Variants in LGMN observed in about 807,000 individuals in gnomAD.
The protein encoded by LGMN is legumain.
LGMN carries 36 observed loss-of-function variants against 56.8 expected under a neutral mutation model. That is an observed-to-expected ratio of 0.63 (90% confidence interval 0.49 to 0.84). The LOEUF (loss-of-function observed/expected upper bound fraction) is 0.84. Among genes scored for constraint, LGMN ranks in the 40% least tolerant of loss-of-function variants. LGMN has a pLI of 0.00. For synonymous variants in LGMN, 199 were observed against 210.1 expected (o/e 0.95, Z 0.46); for missense variants, 446 against 556.1 (o/e 0.80, Z 1.99).
chr14:92,719,242 ACCGCCACCACCACCACCGCCACCG>A lies in LGMN; in HGVS notation c.139-422_139-399del, dbSNP rs1566924062. Among the ~76,000 whole-genome samples, 16 of 22,812 alleles carry A rather than the reference ACCGCCACCACCACCACCGCCACCG, an allele frequency of 7.0e-4. 1 individual carries two copies. The highest frequency in any genetic ancestry group is 5.4e-3 in the South Asian group (3 of 556). 15.0% of individuals were successfully genotyped at this position (22,812 alleles called of 152,430 possible). ...CAACACCACCACCGCCACCGCCACC[ACCGCCACCACCACCACCGCCACCG>A]CCGCCGCCGCCACCGCCGCCGCCGC... On this transcript the variant is annotated intron_variant, in intron 2 of 13. Transcript: ENST00000334869.
At chr14:92,725,516 C>T (rs1357032859) in intron 2 of LGMN, among the ~76,000 whole-genome samples, 3 of 152,152 alleles carry the variant, frequency 2.0e-5, no homozygotes, top group African/African-American at 4.8e-5. Context: ...CGAGCTCCAG[C>T]CTAAGTGACA....
chr14:92,722,735 G>T (rs776899625), intron 2 of LGMN, among the ~76,000 whole-genome samples: 1 of 152,156 alleles, frequency 6.6e-6, no homozygotes, highest in Non-Finnish European at 1.5e-5. Flanking sequence ...GGCTTGTACT[G>T]AAACATCTAA....
At chr14:92,707,280 A>G (rs1302732515) in intron 11 of LGMN, among the ~76,000 whole-genome samples, 1 of 151,676 alleles carries the variant, frequency 6.6e-6, no homozygotes, top group East Asian at 1.9e-4. Context: ...CTCTACAAGC[A>G]AGCTCTGTCC....
At chr14:92,707,597 C>G (rs1215261824) in intron 11 of LGMN, among the ~76,000 whole-genome samples, 1 of 152,222 alleles carries the variant, frequency 6.6e-6, no homozygotes, top group Non-Finnish European at 1.5e-5. Context: ...CAATGCCACT[C>G]TTCTCACCCA....
At chr14:92,724,159 A>G (rs1382826110) in intron 2 of LGMN, among the ~76,000 whole-genome samples, 1 of 152,268 alleles carries the variant, frequency 6.6e-6, no homozygotes, top group Non-Finnish European at 1.5e-5. Flanking sequence ...TTAAGATGAT[A>G]TGTCTTAAAC....
rs1889298334 is a variant in LGMN at position 92,704,193 on chromosome 14, C to T, written c.*126G>A. 2 of 1,179,732 alleles carry T rather than the reference C, an allele frequency of 1.7e-6. No homozygotes were observed. Among genetic ancestry groups the T allele is most frequent in the East Asian group, 2.3e-5 (1 of 42,796 alleles). 73.1% of individuals were successfully genotyped at this position (1,179,732 alleles called of 1,614,324 possible). On this transcript the variant is annotated 3_prime_UTR_variant, in exon 14 of 14. Transcript: ENST00000334869. ...CTTGTGAAGAAGGTCCTGGAGCGAGCCCTGGAGCGGGGGCTCCCCAGGAGG... is the reference window on the plus strand; with the variant it reads ...CTTGTGAAGAAGGTCCTGGAGCGAGTCCTGGAGCGGGGGCTCCCCAGGAGG...
intron 1 of LGMN, among the ~76,000 whole-genome samples, chr14:92,746,475 G>A (rs1179823797): frequency 6.6e-6 from 1 of 152,176 alleles, no homozygotes; most frequent in Non-Finnish European, 1.5e-5. Flanking sequence ...GTGGTATGGT[G>A]TATTCTACCT....
chr14:92,706,727 G>A (rs369112576), intron 11 of LGMN, 74 bp from the exon 12 acceptor site: 30 of 1,365,196 alleles, frequency 2.2e-5, no homozygotes, highest in African/African-American at 1.7e-4. Flanking sequence ...GCGGTGAGAA[G>A]TGCATTCAAA....
At chr14:92,717,561 T>C (rs1394738189) in intron 3 of LGMN, 100 bp from the exon 4 acceptor site, 2 of 882,774 alleles carry the variant, frequency 2.3e-6, no homozygotes, top group African/African-American at 3.3e-5. Flanking sequence ...TAAACGTCTA[T>C]GTTGGTCAAA....
chr14:92,726,108 G>A (rs867144355), intron 2 of LGMN, among the ~76,000 whole-genome samples: 1 of 151,366 alleles, frequency 6.6e-6, no homozygotes, highest in South Asian at 2.1e-4. Context: ...GTGGTGGCAG[G>A]TGCCTGTAAT....
intron 1 of LGMN, among the ~76,000 whole-genome samples, chr14:92,737,443 T>G (rs574582043): frequency 1.7e-4 from 26 of 152,304 alleles, no homozygotes; most frequent in African/African-American, 5.1e-4. Flanking sequence ...TCAAAAAGCA[T>G]GCCTGCTACT....
At chr14:92,735,654 C>T (rs1242102) in intron 1 of LGMN, among the ~76,000 whole-genome samples, 85,958 of 151,774 alleles carry the variant, frequency 0.57, 24,840 homozygotes, top group East Asian at 0.82. Flanking sequence ...CACTGCTCCA[C>T]CCTCAAGCAC....
chr14:92,736,906 C>G (rs988796713), intron 1 of LGMN, among the ~76,000 whole-genome samples: 1 of 152,050 alleles, frequency 6.6e-6, no homozygotes, highest in Non-Finnish European at 1.5e-5. Context: ...TGAGGACAGG[C>G]GAGAGAGAGT....
Position 92,703,948 on chromosome 14 carries a change from GAAGATTTA to G in LGMN, c.*363_*370del. On this transcript the variant is annotated 3_prime_UTR_variant, in exon 14 of 14. Coordinates refer to ENST00000334869, the MANE Select transcript of LGMN (RefSeq NM_005606.7). ...CGGCCCTCTTCAATAAAATCATTCT[GAAGATTTA>G]AAGAGGTTTCAGCTTCAAATTCTCA... The G allele has an allele frequency of 1.8e-6, 1 of 563,806 alleles. No homozygotes were observed. Among genetic ancestry groups the G allele is most frequent in the South Asian group, 2.2e-5 (1 of 46,414 alleles). 34.9% of individuals were successfully genotyped at this position (563,806 alleles called of 1,614,324 possible).
chr14:92,726,971 G>A (rs1320284256), intron 2 of LGMN, among the ~76,000 whole-genome samples: 1 of 152,252 alleles, frequency 6.6e-6, no homozygotes, highest in Admixed American at 6.5e-5. Context: ...AAGAAAAGAT[G>A]TGCATCTGAT....
chr14:92,715,233 GTTTGAGAC>G (rs1041364543), intron 5 of LGMN, among the ~76,000 whole-genome samples: 3 of 151,198 alleles, frequency 2.0e-5, no homozygotes, highest in Non-Finnish European at 4.4e-5. Context: ...GTGTGTGTGT[GTTTGAGAC>G]AGAGTCTCAC....
At chr14:92,713,297 C>G (rs1290186416) in intron 7 of LGMN, among the ~76,000 whole-genome samples, 1 of 151,882 alleles carries the variant, frequency 6.6e-6, no homozygotes, top group Non-Finnish European at 1.5e-5. Flanking sequence ...CCAGGCTGGT[C>G]TTAAACTCCT....
At chr14:92,739,428 T>C (rs1484145606) in intron 1 of LGMN, among the ~76,000 whole-genome samples, 1 of 152,038 alleles carries the variant, frequency 6.6e-6, no homozygotes, top group African/African-American at 2.4e-5. Context: ...TCCTTTAACT[T>C]CCTCTCCTCC....
chr14:92,711,035 G>A (rs1404708028), intron 10 of LGMN, among the ~76,000 whole-genome samples: 2 of 152,200 alleles, frequency 1.3e-5, no homozygotes, highest in East Asian at 3.8e-4. Flanking sequence ...GAACAATTGG[G>A]AGGCCCTGCA....
Sources: allele counts gnomAD v4.1 joint callset (sites outside exome capture counted in the v4.1 genomes callset), GRCh38; gene constraint gnomAD v4.1.1; transcripts MANE v1.5; gene names NCBI Gene and HGNC (gene_info 2026-07-23, HGNC 2026-07-21).